TM4SF4: variants seen among roughly 807,000 people sequenced by gnomAD.
The protein encoded by TM4SF4 is transmembrane 4 L six family member 4.
Under a neutral mutation model 24.1 loss-of-function variants are expected in TM4SF4, and 24 were observed. The ratio of observed to expected loss-of-function variants is 1.00; its 90% CI spans 0.72 to 1.40. The LOEUF (loss-of-function observed/expected upper bound fraction) is 1.40. Ranked by LOEUF, TM4SF4 falls within the 40% of genes most tolerant of loss-of-function variation. The pLI, the probability that TM4SF4 is intolerant of heterozygous loss-of-function variation, is 0.00. For synonymous variants in TM4SF4, 113 were observed against 97.0 expected (o/e 1.17, Z -0.97); for missense variants, 254 against 254.2 (o/e 1.00, Z 0.01).
chr3:149,500,726 G>A (rs1199272919), intron 4 of TM4SF4, among the ~76,000 whole-genome samples: 1 of 152,086 alleles, frequency 6.6e-6, no homozygotes, highest in African/African-American at 2.4e-5. Flanking sequence ...GATTACTTTG[G>A]CTGGACATGG....
At chr3:149,476,820 T>A (rs868211662) in intron 2 of TM4SF4, among the ~76,000 whole-genome samples, 1 of 121,150 alleles carries the variant, frequency 8.3e-6, no homozygotes, top group East Asian at 1.9e-4. Context: ...TTTTGTTTTT[T>A]TTTTTTTTTT....
At chr3:149,487,209 C>A (rs942909549) in intron 2 of TM4SF4, among the ~76,000 whole-genome samples, 2 of 152,142 alleles carry the variant, frequency 1.3e-5, no homozygotes, top group African/African-American at 4.8e-5. Flanking sequence ...GAGCTGAGAT[C>A]ACACCATTGC....
intron 1 of TM4SF4, 62 bp from the exon 2 acceptor site, chr3:149,475,761 G>C: frequency 7.0e-7 from 1 of 1,424,272 alleles, no homozygotes; most frequent in Non-Finnish European, 9.7e-7. Flanking sequence ...TATACAGTCA[G>C]GCAGGCTCGG....
intron 3 of TM4SF4, among the ~76,000 whole-genome samples, chr3:149,496,335 A>T (rs1022110277): frequency 4.6e-5 from 7 of 151,978 alleles, no homozygotes; most frequent in African/African-American, 1.7e-4. Flanking sequence ...TCAGCCTCCC[A>T]AGTAGGTGGG....
intron 3 of TM4SF4, chr3:149,495,550 T>G (rs4681179): frequency 0.073 from 28,150 of 385,422 alleles, 1,939 homozygotes; most frequent in East Asian, 0.33. Flanking sequence ...AATGTGGGCT[T>G]CAGTGTTAAG....
chr3:149,475,635 A>T, intron 1 of TM4SF4, 188 bp from the exon 2 acceptor site: 1 of 519,278 alleles, frequency 1.9e-6, no homozygotes, highest in South Asian at 3.5e-5. Flanking sequence ...GAAGCTGGTT[A>T]GTCAGCCCAA....
chr3:149,491,307 A>T (rs1303170628), intron 3 of TM4SF4, among the ~76,000 whole-genome samples: 2 of 141,428 alleles, frequency 1.4e-5, no homozygotes, highest in Non-Finnish European at 3.2e-5. Flanking sequence ...AAAAAAAAAA[A>T]TTAAAAAATT....
In TM4SF4 at chr3:149,493,743, G is replaced by A. The variant is rs796248238; in HGVS notation, c.402-4979G>A. On this transcript the variant is annotated intron_variant, in intron 3 of 4. Transcript: ENST00000305354. ...GAAGAGAGGACAAACAAATGGACAG[G>A]TGATGGCAGCGCAGGGTCCAGGGGC... is the stretch of plus-strand genomic sequence containing the variant. 1.8e-4 allele frequency among the ~76,000 whole-genome samples: 28 copies of A among 152,316 alleles called. 1 individual carries two copies. The highest frequency in any genetic ancestry group is 6.7e-4 in the African/African-American group (28 of 41,574).
chr3:149,496,110 A>G (rs1200956133), intron 3 of TM4SF4: 1 of 158,620 alleles, frequency 6.3e-6, no homozygotes, highest in Non-Finnish European at 1.4e-5. Flanking sequence ...ATAGTAAAAG[A>G]CTGGTTAATG....
chr3:149,498,976 G>A (rs1311895535), intron 4 of TM4SF4, 65 bp downstream of exon 4: 4 of 1,552,602 alleles, frequency 2.6e-6, no homozygotes, highest in Middle Eastern at 2.1e-4. Context: ...ACTAGCATAA[G>A]GGAGGCCAGG....
In TM4SF4 at chr3:149,475,968, G is replaced by A. The variant is rs1733921918; in HGVS notation, c.264+56G>A. The A allele has an allele frequency of 5.4e-6, 8 of 1,469,268 alleles. No homozygotes were observed. In the Admixed American group the frequency reaches 1.1e-4, roughly 21 times the overall value. The allele number at this position is 1,469,268 out of a possible 1,614,324, so 91.0% of individuals were successfully genotyped here. A position where few individuals can be genotyped will look rare whatever the true frequency, so the allele number is the denominator to read the frequency against. ...TTACTCCAGGGTGCTCTGTGCTTTT[G>A]TGCTGGGCAGCATGGGGATGGAGAC... is the stretch of plus-strand genomic sequence containing the variant. On this transcript the variant is annotated intron_variant, in intron 2 of 4. Transcript: ENST00000305354.
intron 2 of TM4SF4, among the ~76,000 whole-genome samples, chr3:149,482,930 G>A (rs948716569): frequency 2.6e-5 from 4 of 152,104 alleles, no homozygotes; most frequent in Admixed American, 6.6e-5. Context: ...ATATCTCTAA[G>A]AATTTATTCT....
At position 149,502,901 on chromosome 3, in the gene TM4SF4, T is replaced by C. The variant is rs1734454603; in HGVS notation, c.*208T>C. The C allele has an allele frequency of 2.0e-6, 1 of 488,762 alleles. No individual in the cohort carries two copies. Among genetic ancestry groups the C allele is most frequent in the South Asian group, 3.5e-5 (1 of 28,572 alleles). The allele number at this position is 488,762 out of a possible 1,614,324, so 30.3% of individuals were successfully genotyped here. ...AAAAATAGTTTGGCCACTTAACAAA[T>C]TTGATTTATAAATCTTTCAAATTAG... On this transcript the variant is annotated 3_prime_UTR_variant, in exon 5 of 5. Coordinates refer to ENST00000305354, the MANE Select transcript of TM4SF4 (RefSeq NM_004617.4).
rs1734359218 is a variant in TM4SF4 at position 149,498,705 on chromosome 3, C to T, written c.402-17C>T. The T allele has an allele frequency of 3.1e-6, 5 of 1,611,980 alleles. No homozygotes were observed. Among genetic ancestry groups the T allele is most frequent in the African/African-American group, 1.3e-5 (1 of 74,852 alleles). On this transcript the variant is annotated splice_polypyrimidine_tract_variant and intron_variant, in intron 3 of 4. Coordinates refer to ENST00000305354, the MANE Select transcript of TM4SF4 (RefSeq NM_004617.4). Reference sequence around the variant, plus strand: ...ACTTTTTACAAATGTTTCCTTTGTCCCCTATATCACCAACAGGGATTATCT... The same window carrying T: ...ACTTTTTACAAATGTTTCCTTTGTCTCCTATATCACCAACAGGGATTATCT...
At chr3:149,481,388 A>G (rs533702299) in intron 2 of TM4SF4, among the ~76,000 whole-genome samples, 2 of 152,154 alleles carry the variant, frequency 1.3e-5, no homozygotes, top group South Asian at 4.2e-4. Context: ...GGGCTTCCAT[A>G]TTTATCACAC....
At chr3:149,493,697 C>G (rs889870913) in intron 3 of TM4SF4, among the ~76,000 whole-genome samples, 5 of 152,156 alleles carry the variant, frequency 3.3e-5, no homozygotes, top group African/African-American at 1.2e-4. Flanking sequence ...ATGGTCTTTG[C>G]CCTTGGAAGT....
At chr3:149,487,294 C>T (rs977119623) in intron 2 of TM4SF4, among the ~76,000 whole-genome samples, 15 of 152,076 alleles carry the variant, frequency 9.9e-5, no homozygotes, top group African/African-American at 3.4e-4. Context: ...TTCTTTGATT[C>T]TATAATAGAT....
In TM4SF4 at chr3:149,498,858, A is replaced by G. The variant is rs377339332; in HGVS notation, c.538A>G (p.Asn180Asp). ...QMVLCAIQVV[N>D]GLLGTLCGDC... ...GGTTCTCTGCGCCATCCAGGTGGTC[A>G]ATGGCCTCCTGGGGACCCTCTGTGG... The change falls in exon 4 of 5, where the codon AAT becomes GAT. Residue 180 changes from asparagine (N) to aspartate (D), a missense_variant. Transcript: ENST00000305354. 5 of 1,613,862 alleles carry G rather than the reference A, an allele frequency of 3.1e-6. No individual in the cohort carries two copies. In the African/African-American group the frequency reaches 6.7e-5, roughly 22 times the overall value.
intron 2 of TM4SF4, among the ~76,000 whole-genome samples, chr3:149,484,810 G>T (rs941496180): frequency 2.6e-5 from 4 of 151,992 alleles, no homozygotes; most frequent in Admixed American, 6.6e-5. Flanking sequence ...CCTCGGCCCC[G>T]CAAAGTGCTG....
Sources: gnomAD v4.1 joint callset for allele counts (sites outside exome capture counted in the v4.1 genomes callset) on GRCh38, gnomAD v4.1.1 for gene constraint, MANE v1.5 for transcripts, NCBI Gene and HGNC (gene_info 2026-07-23, HGNC 2026-07-21) for gene names.